Variants in DRD2 observed in about 807,000 individuals in gnomAD.
The protein encoded by DRD2 is D(2) dopamine receptor.
DRD2 carries 8 observed loss-of-function variants against 38.0 expected under a neutral mutation model. The observed-to-expected ratio is 0.21, with a 90% CI of 0.12 to 0.38. DRD2 has a LOEUF of 0.38. Ranked by LOEUF, DRD2 falls within the 10% of genes least tolerant of loss-of-function variation. The probability of loss-of-function intolerance (pLI) is 1.00; values close to 1 mark genes in which losing one functional copy is unlikely to be tolerated. For missense variants in DRD2, 403 were observed against 607.7 expected (o/e 0.66, Z 3.54); for synonymous variants, 230 against 238.6 (o/e 0.96, Z 0.33).
At chr11:113,436,722 G>T (rs1342343989) in intron 1 of DRD2, among the ~76,000 whole-genome samples, 2 of 152,132 alleles carry the variant, frequency 1.3e-5, no homozygotes, top group East Asian at 3.8e-4. Flanking sequence ...TTTTAATTTT[G>T]TATATGTTTG....
intron 1 of DRD2, among the ~76,000 whole-genome samples, chr11:113,431,093 G>C (rs1264560969): frequency 6.6e-6 from 1 of 152,144 alleles, no homozygotes; most frequent in South Asian, 2.1e-4. Context: ...TGGCCCCTGG[G>C]CATGCATAAA....
At chr11:113,434,642 C>T (rs1472874760) in intron 1 of DRD2, among the ~76,000 whole-genome samples, 1 of 152,174 alleles carries the variant, frequency 6.6e-6, no homozygotes, top group African/African-American at 2.4e-5. Flanking sequence ...AGGTCATAGC[C>T]AACACACAGT....
At chr11:113,472,745 C>T (rs1370901277) in intron 1 of DRD2, among the ~76,000 whole-genome samples, 1 of 152,154 alleles carries the variant, frequency 6.6e-6, no homozygotes, top group Non-Finnish European at 1.5e-5. Flanking sequence ...TAACAGATCA[C>T]AGCACATGCA....
rs201256011 is a variant in DRD2 at position 113,412,674 on chromosome 11, G to T, written c.1020C>A (p.Ile340=). The change falls in exon 7 of 8, where the codon ATC becomes ATA. Residue 340 remains isoleucine, a synonymous_variant. Transcript: ENST00000362072. ...HAKDHPKIAK[I]FEIQTMPNGK... Reference sequence around the variant, plus strand: ...CATTGGGCATGGTCTGGATCTCAAAGATCTTGGCAATCTTGGGGTGGTCTT... The same window carrying T: ...CATTGGGCATGGTCTGGATCTCAAATATCTTGGCAATCTTGGGGTGGTCTT... The T allele has an allele frequency of 6.2e-7, 1 of 1,614,246 alleles. No homozygotes were observed. The highest frequency in any genetic ancestry group is 8.5e-7 in the Non-Finnish European group (1 of 1,180,056).
intron 1 of DRD2, among the ~76,000 whole-genome samples, chr11:113,425,666 T>A (rs1045027144): frequency 2.6e-5 from 4 of 151,748 alleles, no homozygotes; most frequent in African/African-American, 7.3e-5. Context: ...AGGTAAGAGA[T>A]GATGAGGTTT....
intron 1 of DRD2, among the ~76,000 whole-genome samples, chr11:113,464,058 T>C (rs1951346379): frequency 6.6e-6 from 1 of 152,176 alleles, no homozygotes; most frequent in African/African-American, 2.4e-5. Flanking sequence ...TCTTTCCTAT[T>C]CCCTGTAACT....
intron 1 of DRD2, among the ~76,000 whole-genome samples, chr11:113,448,220 T>C (rs111372703): frequency 1.3e-5 from 2 of 152,182 alleles, no homozygotes; most frequent in African/African-American, 4.8e-5. Context: ...CCTGTCCTGA[T>C]GAGATCTCTT....
At chr11:113,411,388 G>A (rs750216550) in intron 7 of DRD2, among the ~76,000 whole-genome samples, 10 of 152,050 alleles carry the variant, frequency 6.6e-5, no homozygotes, top group African/African-American at 1.4e-4. Flanking sequence ...GCTGAACTCC[G>A]GTCTATCCAG....
intron 1 of DRD2, among the ~76,000 whole-genome samples, chr11:113,451,473 T>G (rs1434598147): frequency 1.3e-5 from 2 of 152,134 alleles, no homozygotes; most frequent in Admixed American, 6.5e-5. Context: ...TAATTTTTCC[T>G]GTATCCTCTT....
intron 3 of DRD2, 106 bp from the exon 4 acceptor site, chr11:113,417,105 A>G: frequency 6.8e-7 from 1 of 1,471,106 alleles, no homozygotes; most frequent in South Asian, 1.3e-5. Context: ...TAAACAGTTG[A>G]CACACCTCTA....
chr11:113,412,953 G>C (rs1950784536), intron 6 of DRD2, 70 bp from the exon 7 acceptor site: 1 of 1,502,124 alleles, frequency 6.7e-7, no homozygotes, highest in Non-Finnish European at 9.0e-7. Flanking sequence ...CATCTCACTG[G>C]CCCCTCCCTT....
intron 1 of DRD2, among the ~76,000 whole-genome samples, chr11:113,434,879 G>A (rs1375941873): frequency 6.6e-6 from 1 of 152,200 alleles, no homozygotes; most frequent in Non-Finnish European, 1.5e-5. Context: ...GTGGGGTGGG[G>A]GTGTCCCCAG....
At chr11:113,423,314 C>T (rs574146250) in intron 2 of DRD2, among the ~76,000 whole-genome samples, 47 of 151,996 alleles carry the variant, frequency 3.1e-4, no homozygotes, top group Non-Finnish European at 4.4e-5. Context: ...CTTGCTCTGT[C>T]GCCCAGGCTG....
chr11:113,473,714 C>T (rs1057307068), intron 1 of DRD2, among the ~76,000 whole-genome samples: 13 of 152,192 alleles, frequency 8.5e-5, no homozygotes, highest in Non-Finnish European at 1.9e-4. Flanking sequence ...GGACTGAAAC[C>T]CAGGAAAGCA....
chr11:113,429,931 A>T (rs777739262), intron 1 of DRD2, among the ~76,000 whole-genome samples: 2 of 152,242 alleles, frequency 1.3e-5, no homozygotes, highest in Non-Finnish European at 2.9e-5. Context: ...GGCACAGGTA[A>T]GCCCTTGAGA....
intron 1 of DRD2, among the ~76,000 whole-genome samples, chr11:113,433,671 C>T (rs1037933972): frequency 2.6e-5 from 4 of 152,304 alleles, no homozygotes; most frequent in African/African-American, 4.8e-5. Context: ...CTTTAGAAGG[C>T]GTGGAACAGC....
intron 7 of DRD2, among the ~76,000 whole-genome samples, chr11:113,411,388 G>C (rs750216550): frequency 6.6e-6 from 1 of 152,050 alleles, no homozygotes; most frequent in Non-Finnish European, 1.5e-5. Context: ...GCTGAACTCC[G>C]GTCTATCCAG....
chr11:113,474,671 G>C (rs911529681), intron 1 of DRD2, among the ~76,000 whole-genome samples: 4 of 151,998 alleles, frequency 2.6e-5, no homozygotes, highest in African/African-American at 9.7e-5. Context: ...CTGGCCGCGA[G>C]CCCCGGGTCT....
intron 1 of DRD2, among the ~76,000 whole-genome samples, chr11:113,425,415 G>T (rs1476349190): frequency 1.3e-5 from 2 of 152,200 alleles, no homozygotes; most frequent in Admixed American, 1.3e-4. Context: ...GCCTCAAAGA[G>T]ATTCTGGATA....
Sources: allele counts gnomAD v4.1 joint callset (sites outside exome capture counted in the v4.1 genomes callset), GRCh38; gene constraint gnomAD v4.1.1; transcripts MANE v1.5; gene names NCBI Gene and HGNC (gene_info 2026-07-23, HGNC 2026-07-21).